KCNH8: variants seen among roughly 807,000 people sequenced by gnomAD.
The protein encoded by KCNH8 is potassium voltage-gated channel subfamily H member 8.
KCNH8 carries 70 observed loss-of-function variants against 103.6 expected under a neutral mutation model. The ratio of observed to expected loss-of-function variants is 0.68; its 90% confidence interval spans 0.56 to 0.82. The LOEUF (loss-of-function observed/expected upper bound fraction) is 0.82, where lower values mean the gene tolerates loss of function less well. KCNH8 is among the 40% of genes least tolerant of loss of function. The pLI is 0.00. For synonymous variants in KCNH8, 498 were observed against 489.4 expected, an observed-to-expected ratio of 1.02 and a Z score of -0.23; for missense variants, 1,217 against 1,329.9, an observed-to-expected ratio of 0.92 and a Z score of 1.32.
rs925344476 is a variant in KCNH8, at chr3:19,266,630, A to C, written c.310+12743A>C. ...AATCTTGTTATCTACAGTGCCTAGA[A>C]TAGTTCCTGATATATAGTAAATGCT... On this transcript the variant is annotated intron_variant, in intron 2 of 15. Transcript: ENST00000328405. Among the ~76,000 whole-genome samples, 3 of 152,238 alleles carry C rather than the reference A, an allele frequency of 2.0e-5. 1 individual carries two copies. Among genetic ancestry groups the C allele is most frequent in the Admixed American group, 2.0e-4 (3 of 15,278 alleles).
chr3:19,329,417 A>T (rs1344956555), intron 3 of KCNH8, among the ~76,000 whole-genome samples: 1 of 152,224 alleles, frequency 6.6e-6, no homozygotes, highest in East Asian at 1.9e-4. Flanking sequence ...GCAACATTGT[A>T]GAAACAGCAT....
At chr3:19,193,896 TG>T (rs912454487) in intron 1 of KCNH8, among the ~76,000 whole-genome samples, 4 of 151,802 alleles carry the variant, frequency 2.6e-5, no homozygotes, top group Non-Finnish European at 5.9e-5. Flanking sequence ...TAGGTGTGAA[TG>T]TTTTTTTGTA....
chr3:19,528,168 ATTG>A (rs1034578376), intron 15 of KCNH8, among the ~76,000 whole-genome samples: 51 of 152,208 alleles, frequency 3.4e-4, no homozygotes, highest in African/African-American at 1.2e-3. Context: ...AAGAATGTAT[ATTG>A]TTATGTTTCC....
At chr3:19,266,984 A>G (rs1024962193) in intron 2 of KCNH8, among the ~76,000 whole-genome samples, 1 of 152,080 alleles carries the variant, frequency 6.6e-6, no homozygotes, top group Non-Finnish European at 1.5e-5. Flanking sequence ...GGGTTGATAA[A>G]TTAACATCTG....
At chr3:19,464,412 C>G (rs898042955) in intron 11 of KCNH8, among the ~76,000 whole-genome samples, 1 of 151,690 alleles carries the variant, frequency 6.6e-6, no homozygotes, top group Non-Finnish European at 1.5e-5. Context: ...CAGACCTAAA[C>G]GAAAGAAAAA....
chr3:19,476,206 A>G (rs1255641021), intron 11 of KCNH8, among the ~76,000 whole-genome samples: 2 of 152,180 alleles, frequency 1.3e-5, no homozygotes, highest in Non-Finnish European at 2.9e-5. Context: ...AACCGAGGCA[A>G]TATATTTCAA....
At chr3:19,181,673 GCAAA>G (rs980083546) in intron 1 of KCNH8, among the ~76,000 whole-genome samples, 2 of 152,168 alleles carry the variant, frequency 1.3e-5, no homozygotes, top group East Asian at 1.9e-4. Flanking sequence ...TAAGCAAATA[GCAAA>G]CAAACAAATT....
intron 5 of KCNH8, among the ~76,000 whole-genome samples, chr3:19,372,370 A>C (rs1051816130): frequency 2.7e-5 from 4 of 146,562 alleles, no homozygotes; most frequent in African/African-American, 1.0e-4. Context: ...TTCTCTTTGA[A>C]GCAATTGTGA....
At chr3:19,483,564 C>A (rs1199300161) in intron 11 of KCNH8, among the ~76,000 whole-genome samples, 2 of 152,190 alleles carry the variant, frequency 1.3e-5, no homozygotes, top group Admixed American at 1.3e-4. Context: ...AGTTTCTCCA[C>A]ATACATAACA....
At chr3:19,243,517 A>C (rs1369017474) in intron 1 of KCNH8, among the ~76,000 whole-genome samples, 1 of 152,240 alleles carries the variant, frequency 6.6e-6, no homozygotes, top group East Asian at 1.9e-4. Flanking sequence ...TGCAAAGCAG[A>C]GAATACAGTT....
intron 2 of KCNH8, among the ~76,000 whole-genome samples, chr3:19,261,909 A>G (rs1458144393): frequency 6.6e-6 from 1 of 151,786 alleles, no homozygotes; most frequent in Non-Finnish European, 1.5e-5. Flanking sequence ...TGTCAAAATT[A>G]GTTCACCATA....
intron 1 of KCNH8, among the ~76,000 whole-genome samples, chr3:19,245,234 C>A (rs994931429): frequency 5.9e-5 from 9 of 152,010 alleles, no homozygotes; most frequent in African/African-American, 1.9e-4. Context: ...CCATTGCTTG[C>A]TTTTGTTGTT....
intron 5 of KCNH8, among the ~76,000 whole-genome samples, chr3:19,348,261 C>T (rs1413924455): frequency 6.6e-6 from 1 of 152,078 alleles, no homozygotes. Flanking sequence ...TCACATCCTT[C>T]ATGATCTTAA....
At chr3:19,222,644 C>T (rs1218338842) in intron 1 of KCNH8, among the ~76,000 whole-genome samples, 1 of 151,810 alleles carries the variant, frequency 6.6e-6, no homozygotes, top group South Asian at 2.1e-4. Flanking sequence ...ATAAATTGTA[C>T]CACCAAGAAA....
At chr3:19,260,891 G>A (rs746075618) in intron 2 of KCNH8, among the ~76,000 whole-genome samples, 2 of 148,590 alleles carry the variant, frequency 1.3e-5, no homozygotes, top group Admixed American at 6.8e-5. Flanking sequence ...ATTTCACTCA[G>A]TATAATGTTC....
At chr3:19,419,282 C>T (rs2066913981) in intron 7 of KCNH8, among the ~76,000 whole-genome samples, 3 of 146,720 alleles carry the variant, frequency 2.0e-5, no homozygotes, top group Non-Finnish European at 3.0e-5. Flanking sequence ...TCACTGCAAG[C>T]TCTGCCTCCC....
intron 5 of KCNH8, among the ~76,000 whole-genome samples, chr3:19,375,880 G>A (rs1352468319): frequency 6.6e-6 from 1 of 152,154 alleles, no homozygotes; most frequent in Admixed American, 6.5e-5. Flanking sequence ...AGGTGTCAGT[G>A]TGCCCTTGCT....
chr3:19,467,300 G>GACAC (rs138481664), intron 11 of KCNH8, among the ~76,000 whole-genome samples: 3,818 of 148,578 alleles, frequency 0.026, 63 homozygotes, highest in African/African-American at 0.053. Context: ...TGTATAAGTA[G>GACAC]ACACACACAC....
intron 1 of KCNH8, among the ~76,000 whole-genome samples, chr3:19,215,840 C>G (rs142471145): frequency 4.0e-4 from 61 of 152,328 alleles, no homozygotes; most frequent in Non-Finnish European, 7.2e-4. Flanking sequence ...TCGGCATAGC[C>G]ATGTTTTCTT....
Sources: allele counts gnomAD v4.1 joint callset (sites outside exome capture counted in the v4.1 genomes callset), GRCh38; gene constraint gnomAD v4.1.1; transcripts MANE v1.5; gene names NCBI Gene and HGNC (gene_info 2026-07-23, HGNC 2026-07-21).